CMTM3: variants seen among roughly 807,000 people sequenced by gnomAD.
CMTM3 encodes CKLF like MARVEL transmembrane domain containing 3.
Under a neutral mutation model 18.2 loss-of-function variants are expected in CMTM3, and 7 were observed. The observed-to-expected ratio is 0.38, with a 90% CI of 0.22 to 0.72. The LOEUF (loss-of-function observed/expected upper bound fraction) is 0.72. Ranked by LOEUF, CMTM3 falls within the 30% of genes least tolerant of loss-of-function variation. The probability of loss-of-function intolerance (pLI) is 0.46; values close to 1 mark genes in which losing one functional copy is unlikely to be tolerated. For synonymous variants in CMTM3, 109 were observed against 111.2 expected (o/e 0.98, Z 0.12); for missense variants, 227 against 249.2 (o/e 0.91, Z 0.60).
At position 66,604,851 on chromosome 16, in the gene CMTM3, G is replaced by A. The variant is rs1364715489; in HGVS notation, c.46G>A (p.Gly16Ser). 1.5e-6 allele frequency: 2 copies of A among 1,366,976 alleles called. No individual in the cohort carries two copies. The highest frequency in any genetic ancestry group is 6.2e-5 in the East Asian group (2 of 32,124). 84.7% of individuals were successfully genotyped at this position (1,366,976 alleles called of 1,614,324 possible). ...PDPDPDPEPA[G>S]GSRPGPAVPG... is the part of the protein sequence containing the mutation. ...CCCCGACCCGGACCCCGAGCCTGCCGGCGGCTCCCGTCCCGGCCCCGCGGT... is the reference window on the plus strand; with the variant it reads ...CCCCGACCCGGACCCCGAGCCTGCCAGCGGCTCCCGTCCCGGCCCCGCGGT... Residue 16 changes from glycine (G) to serine (S), a missense_variant, in exon 1 of 5, where the codon GGC (glycine) becomes AGC (serine). Gly to Ser is a moderately conservative substitution (Grantham distance 56, BLOSUM62 0). Transcript: ENST00000567572.
rs2015469553 is a variant in CMTM3 at position 66,613,713 on chromosome 16, G to A, written c.*1076G>A. The A allele has an allele frequency of 6.6e-6, 1 of 152,374 alleles. No individual in the cohort carries two copies. Among genetic ancestry groups the A allele is most frequent in the South Asian group, 2.1e-4 (1 of 4,820 alleles). The allele number at this position is 152,374 out of a possible 1,614,324, so 9.4% of individuals were successfully genotyped here. A position where few individuals can be genotyped will look rare whatever the true frequency, so the allele number is the denominator to read the frequency against. ...CTCTTGCGTGTGAATCTCTTACCCT[G>A]AAAAAAAGCCATAATGAATTAAGCC... On this transcript the variant is annotated 3_prime_UTR_variant, in exon 5 of 5. Coordinates refer to ENST00000567572, the MANE Select transcript of CMTM3 (RefSeq NM_181553.4).
chr16:66,609,882 G>A lies in CMTM3; in HGVS notation c.400-1G>A, dbSNP rs866588793. 8 of 1,614,172 alleles carry A rather than the reference G, an allele frequency of 5.0e-6. No individual in the cohort carries two copies. In the East Asian group the frequency reaches 1.8e-4, roughly 36 times the overall value. On this transcript the variant is annotated splice_acceptor_variant, in intron 3 of 4. Transcript: ENST00000567572. LOFTEE classifies it high-confidence loss of function. This position sits in a 1 kb window ranked among gnomAD's most constrained non-coding sequence, Gnocchi z 4.4. ...ATGCATCCCATCCACCCTGTCCACA[G>A]GTGTTTGGCTTCTTTGCTACCATCG...
Position 66,610,203 on chromosome 16 carries a change from G to C in CMTM3, c.520+200G>C. ...ATTCGCCTCGTGCACCCTCACCCCA[G>C]CCTTTCTAGGAGGGGCAAGCAGTGG... On this transcript the variant is annotated intron_variant, in intron 4 of 4. Transcript: ENST00000567572. The surrounding 1 kb of genome is among the most constrained non-coding windows in gnomAD (Gnocchi z 4.6). 1 of 675,902 alleles carries C rather than the reference G, an allele frequency of 1.5e-6. No individual in the cohort carries two copies. The allele number at this position is 675,902 out of a possible 1,614,324, so 41.9% of individuals were successfully genotyped here.
chr16:66,609,449 T>G lies in CMTM3; in HGVS notation c.318T>G (p.Cys106Trp). ...LCWPMMDFLR[C>W]VTAALIYFAI... ...TCTCTCCCCAGGACTTCCTGCGCTGTGTCACCGCGGCCCTCATCTACTTTG... is the reference window on the plus strand; with the variant it reads ...TCTCTCCCCAGGACTTCCTGCGCTGGGTCACCGCGGCCCTCATCTACTTTG... Residue 106 changes from cysteine to tryptophan, a missense_variant, in exon 3 of 5, where the codon TGT (cysteine) becomes TGG (tryptophan). Physicochemically the swap from Cys to Trp is radical, Grantham distance 215. Coordinates refer to ENST00000567572, the MANE Select transcript of CMTM3 (RefSeq NM_181553.4). The surrounding 1 kb of genome is among the most constrained non-coding windows in gnomAD (Gnocchi z 4.4). The G allele has an allele frequency of 6.2e-7, 1 of 1,612,968 alleles. No homozygotes were observed. The highest frequency in any genetic ancestry group is 8.5e-7 in the Non-Finnish European group (1 of 1,179,630).
intron 1 of CMTM3, among the ~76,000 whole-genome samples, chr16:66,606,490 A>C (rs1049167730): frequency 6.6e-6 from 1 of 151,646 alleles, no homozygotes. Flanking sequence ...GTGCAGAGCA[A>C]ATGGGGGTGC....
chr16:66,604,901 G>A lies in CMTM3; in HGVS notation c.96G>A (p.Pro32=), dbSNP rs3743718. 49,129 of 1,457,590 alleles carry A rather than the reference G, an allele frequency of 0.034. 1,675 individuals carry two copies. Among genetic ancestry groups the A allele is most frequent in the Admixed American group, 0.17 (6,527 of 38,914 alleles). 90.3% of individuals were successfully genotyped at this position (1,457,590 alleles called of 1,614,324 possible). ...PAVPGLRALL[P]ARAFLCSLKG... is the part of the protein sequence containing the mutation. ...TCCCCGGGCTCCGCGCCCTGCTGCC[G>A]GCGCGGGCTTTCCTCTGCTCTCTCA... Residue 32 remains proline, a synonymous_variant, in exon 1 of 5, where the codon CCG becomes CCA. Transcript: ENST00000567572.
chr16:66,610,703 CG>C lies in CMTM3; in HGVS notation c.520+702del, dbSNP rs2144752502. 2.5e-6 allele frequency: 1 copy of C among 397,078 alleles called. No individual in the cohort carries two copies. Among genetic ancestry groups the C allele is most frequent in the East Asian group, 3.6e-5 (1 of 28,004 alleles). The allele number at this position is 397,078 out of a possible 1,614,324, so 24.6% of individuals were successfully genotyped here. On this transcript the variant is annotated intron_variant, in intron 4 of 4. Coordinates refer to ENST00000567572, the MANE Select transcript of CMTM3 (RefSeq NM_181553.4). This position sits in a 1 kb window ranked among gnomAD's most constrained non-coding sequence, Gnocchi z 4.6. ...TGGGGAGATGCTTCTCTGGACCAGG[CG>C]GATGTGCCCCTGTGCTGGCAGTGCC... is the stretch of plus-strand genomic sequence containing the variant.
chr16:66,613,369 A>G lies in CMTM3; in HGVS notation c.*732A>G, dbSNP rs1037120655. The G allele has an allele frequency of 4.1e-6, 2 of 492,982 alleles. No individual in the cohort carries two copies. The highest frequency in any genetic ancestry group is 3.7e-6 in the Non-Finnish European group (1 of 273,812). 30.5% of individuals were successfully genotyped at this position (492,982 alleles called of 1,614,324 possible). On this transcript the variant is annotated 3_prime_UTR_variant, in exon 5 of 5. Transcript: ENST00000567572. ...GGTACAACAGTGGCATCACAGTGAC[A>G]GTGTCATGGGGAGCTGGGCGGGCCC...
rs1487620082 is a variant in CMTM3, at chr16:66,608,508, T to C, written c.303+44T>C. 6.2e-7 allele frequency: 1 copy of C among 1,603,982 alleles called. No homozygotes were observed. The highest frequency in any genetic ancestry group is 8.5e-7 in the Non-Finnish European group (1 of 1,175,316). ...GGAGGGAGGGGTGCCCTGCACAAAGTGGCCAGATGAGGAGTCCAGAGTCGT... is the reference window on the plus strand; with the variant it reads ...GGAGGGAGGGGTGCCCTGCACAAAGCGGCCAGATGAGGAGTCCAGAGTCGT... On this transcript the variant is annotated intron_variant, in intron 2 of 4. Transcript: ENST00000567572. The surrounding 1 kb of genome is among the most constrained non-coding windows in gnomAD (Gnocchi z 5.1).
Position 66,609,891 on chromosome 16 carries a change from C to T in CMTM3, c.408C>T (p.Gly136=), listed in dbSNP as rs370946819. ...ATCCACCCTGTCCACAGGTGTTTGGCTTCTTTGCTACCATCGTGTTTGCAA... is the reference window on the plus strand; with the variant it reads ...ATCCACCCTGTCCACAGGTGTTTGGTTTCTTTGCTACCATCGTGTTTGCAA... ...DGASKAAGVF[G]FFATIVFATD... The change falls in exon 4 of 5, where the codon GGC becomes GGT. Residue 136 remains glycine (G), a synonymous_variant. Transcript: ENST00000567572. The surrounding 1 kb of genome is among the most constrained non-coding windows in gnomAD (Gnocchi z 4.4). 1.8e-5 allele frequency: 29 copies of T among 1,614,068 alleles called. No homozygotes were observed. Among genetic ancestry groups the T allele is most frequent in the East Asian group, 2.2e-5 (1 of 44,870 alleles).
chr16:66,604,723 C>T lies in CMTM3; in HGVS notation c.-83C>T. ...CGAGCCAGTGTCGCCTGCCCTCCTT[C>T]CGCACAGCCCGGGTTTCCGCTTCCC... is the stretch of plus-strand genomic sequence containing the variant. On this transcript the variant is annotated 5_prime_UTR_variant, in exon 1 of 5. Transcript: ENST00000567572. 1.8e-6 allele frequency: 2 copies of T among 1,098,594 alleles called. No individual in the cohort carries two copies. Among genetic ancestry groups the T allele is most frequent in the African/African-American group, 3.3e-5 (2 of 61,166 alleles). 68.1% of individuals were successfully genotyped at this position (1,098,594 alleles called of 1,614,324 possible).
rs1012018939 is a variant in CMTM3 at position 66,605,224 on chromosome 16, G to A, written c.147+272G>A. ...CCGTGGGAAGTGGGTGGGGCCCGGGGATGTGGGTCCTGCTGTGTGAGCCAG... is the reference window on the plus strand; with the variant it reads ...CCGTGGGAAGTGGGTGGGGCCCGGGAATGTGGGTCCTGCTGTGTGAGCCAG... On this transcript the variant is annotated intron_variant, in intron 1 of 4. Transcript: ENST00000567572. This position sits in a 1 kb window ranked among gnomAD's most constrained non-coding sequence, Gnocchi z 4.6. 1.5e-5 allele frequency: 5 copies of A among 339,812 alleles called. No individual in the cohort carries two copies. The highest frequency in any genetic ancestry group is 5.0e-5 in the Admixed American group (1 of 19,988). 21.0% of individuals were successfully genotyped at this position (339,812 alleles called of 1,614,324 possible). A position where few individuals can be genotyped will look rare whatever the true frequency, so the allele number is the denominator to read the frequency against.
chr16:66,606,712 G>A (rs908236306), intron 1 of CMTM3, among the ~76,000 whole-genome samples: 5 of 152,222 alleles, frequency 3.3e-5, no homozygotes, highest in Admixed American at 3.3e-4. Context: ...CTCTACCTGG[G>A]CCGGGCGTGG....
At position 66,610,608 on chromosome 16, in the gene CMTM3, T is replaced by C. The variant is rs573626626; in HGVS notation, c.520+605T>C. ...GTACTGACAGATGGCAGTAGAGGAG[T>C]GTGCAGGCAGAAGAGACCAGGCCGG... is the stretch of plus-strand genomic sequence containing the variant. On this transcript the variant is annotated intron_variant, in intron 4 of 4. Transcript: ENST00000567572. The surrounding 1 kb of genome is among the most constrained non-coding windows in gnomAD (Gnocchi z 4.6). Among the ~76,000 whole-genome samples the C allele has an allele frequency of 1.2e-4, 18 of 150,734 alleles. No individual in the cohort carries two copies. The highest frequency in any genetic ancestry group is 3.4e-4 in the African/African-American group (14 of 40,938).
In CMTM3 at chr16:66,605,527, G is replaced by T. The variant is rs1188668450; in HGVS notation, c.147+575G>T. On this transcript the variant is annotated intron_variant, in intron 1 of 4. Transcript: ENST00000567572. This position sits in a 1 kb window ranked among gnomAD's most constrained non-coding sequence, Gnocchi z 4.6. ...CCACCCCGGCCGGTGGGGCTTCTTT[G>T]TCCTCTGGACACCGGAGGCGCCCGC... 1.3e-5 allele frequency: 2 copies of T among 152,442 alleles called. No individual in the cohort carries two copies. The highest frequency in any genetic ancestry group is 1.5e-5 in the Non-Finnish European group (1 of 68,220). The allele number at this position is 152,442 out of a possible 1,614,324, so 9.4% of individuals were successfully genotyped here. A position where few individuals can be genotyped will look rare whatever the true frequency, so the allele number is the denominator to read the frequency against.
intron 4 of CMTM3, among the ~76,000 whole-genome samples, chr16:66,611,478 C>T (rs2015374670): frequency 6.6e-6 from 1 of 152,034 alleles, no homozygotes; most frequent in South Asian, 2.1e-4. Flanking sequence ...TAGCAAAACC[C>T]ACAAAATCTG....
chr16:66,606,376 T>A (rs956609898), intron 1 of CMTM3, among the ~76,000 whole-genome samples: 1 of 151,960 alleles, frequency 6.6e-6, no homozygotes, highest in Non-Finnish European at 1.5e-5. Flanking sequence ...CAGAGCTGGG[T>A]CAGTCCCATG....
chr16:66,612,778 A>G lies in CMTM3; in HGVS notation c.*141A>G. ...GACACAGCAGGCCCCCTACAGCCTC[A>G]GGTTCTGCCTGAGCCCAGCCTACCA... On this transcript the variant is annotated 3_prime_UTR_variant, in exon 5 of 5. Coordinates refer to ENST00000567572, the MANE Select transcript of CMTM3 (RefSeq NM_181553.4). The surrounding 1 kb of genome is among the most constrained non-coding windows in gnomAD (Gnocchi z 6.0). 1 of 808,360 alleles carries G rather than the reference A, an allele frequency of 1.2e-6. No homozygotes were observed. Among genetic ancestry groups the G allele is most frequent in the Admixed American group, 2.7e-5 (1 of 36,864 alleles). The allele number at this position is 808,360 out of a possible 1,614,324, so 50.1% of individuals were successfully genotyped here.
rs777261968 is a variant in CMTM3, at chr16:66,609,745, T to C, written c.400-138T>C. 6.3e-7 allele frequency: 1 copy of C among 1,578,272 alleles called. No individual in the cohort carries two copies. The highest frequency in any genetic ancestry group is 1.4e-5 in the African/African-American group (1 of 74,014). ...CAAGTTCACAGCTCATTTTCCCACTTCCGTTACTCACAGGGGTCTGTGCCT... is the reference window on the plus strand; with the variant it reads ...CAAGTTCACAGCTCATTTTCCCACTCCCGTTACTCACAGGGGTCTGTGCCT... On this transcript the variant is annotated intron_variant, in intron 3 of 4. Coordinates refer to ENST00000567572, the MANE Select transcript of CMTM3 (RefSeq NM_181553.4). This position sits in a 1 kb window ranked among gnomAD's most constrained non-coding sequence, Gnocchi z 4.4.
Sources: allele counts gnomAD v4.1 joint callset (sites outside exome capture counted in the v4.1 genomes callset), GRCh38; gene constraint gnomAD v4.1.1; non-coding constraint Gnocchi (gnomAD v3.1); transcripts MANE v1.5; gene names NCBI Gene and HGNC (gene_info 2026-07-23, HGNC 2026-07-21).